The following HTR7 variants were observed in gnomAD, a reference collection of about 807,000 sequenced individuals.
HTR7 encodes the protein 5-HT-7.
In HTR7, 16 loss-of-function variants were observed where a neutral mutation model predicts 34.0. The ratio of observed to expected loss-of-function variants is 0.47; its 90% CI spans 0.32 to 0.71. The LOEUF (loss-of-function observed/expected upper bound fraction) is 0.71, where lower values mean the gene tolerates loss of function less well. Ranked by LOEUF, HTR7 falls within the 30% of genes least tolerant of loss-of-function variation. The pLI is 0.04. For synonymous variants in HTR7, 265 were observed against 260.2 expected, an observed-to-expected ratio of 1.02 and a Z score of -0.18; for missense variants, 504 against 625.5, an observed-to-expected ratio of 0.81 and a Z score of 2.07.
At chr10:90,762,091 T>C (rs567446499) in intron 1 of HTR7, among the ~76,000 whole-genome samples, 95 of 152,342 alleles carry the variant, frequency 6.2e-4, no homozygotes, top group Non-Finnish European at 1.2e-4. Flanking sequence ...GCTATTAACA[T>C]GGGAGTGCAG....
intron 1 of HTR7, among the ~76,000 whole-genome samples, chr10:90,810,724 C>T (rs1222301420): frequency 3.9e-5 from 6 of 152,186 alleles, no homozygotes; most frequent in African/African-American, 7.2e-5. Flanking sequence ...AGCCTCTCTT[C>T]GCTTTCACTT....
chr10:90,853,286 TC>T (rs371555538), intron 1 of HTR7, among the ~76,000 whole-genome samples: 12,991 of 137,920 alleles, frequency 0.094, 808 homozygotes, highest in African/African-American at 0.19. Context: ...CTTTTTTTTT[TC>T]TTTTTTTTTT....
At chr10:90,806,933 C>T (rs955696370) in intron 1 of HTR7, among the ~76,000 whole-genome samples, 8 of 152,090 alleles carry the variant, frequency 5.3e-5, no homozygotes, top group Non-Finnish European at 1.0e-4. Flanking sequence ...ACCTCTGAGA[C>T]CTGTGATTAC....
intron 1 of HTR7, among the ~76,000 whole-genome samples, chr10:90,826,418 CT>C (rs1846074713): frequency 1.3e-5 from 2 of 152,176 alleles, no homozygotes; most frequent in Admixed American, 1.3e-4. Context: ...ATAAAACTCA[CT>C]GATAATAATA....
chr10:90,824,364 G>C (rs1269627558), intron 1 of HTR7, among the ~76,000 whole-genome samples: 1 of 152,248 alleles, frequency 6.6e-6, no homozygotes, highest in Non-Finnish European at 1.5e-5. Context: ...TGAATAATCA[G>C]CAGTGGTATC....
At chr10:90,834,276 G>A (rs1280996371) in intron 1 of HTR7, among the ~76,000 whole-genome samples, 1 of 152,072 alleles carries the variant, frequency 6.6e-6, no homozygotes, top group Non-Finnish European at 1.5e-5. Context: ...TACCCTTGGA[G>A]TATCCAAAGT....
chr10:90,855,144 G>A lies in HTR7; in HGVS notation c.539+1989C>T, dbSNP rs79881569. 4.6e-3 allele frequency among the ~76,000 whole-genome samples: 693 copies of A among 152,146 alleles called. 4 individuals carry two copies. Among genetic ancestry groups the A allele is most frequent in the African/African-American group, 0.014 (598 of 41,500 alleles). The stretch of plus-strand genomic sequence containing the variant: ...ATTTTTAAGCAGAATTCACCAATGG[G>A]GCAATTCTCATAGGTAAAAGGAGAA... On this transcript the variant is annotated intron_variant, in intron 1 of 3. Transcript: ENST00000336152.
intron 1 of HTR7, among the ~76,000 whole-genome samples, chr10:90,808,701 C>T (rs1172515102): frequency 2.0e-5 from 3 of 152,082 alleles, no homozygotes; most frequent in Non-Finnish European, 2.9e-5. Context: ...TCACTATGGG[C>T]AACCTTCCAC....
rs566203445 is a variant in HTR7, at chr10:90,817,044, G to A, written c.539+40089C>T. Among the ~76,000 whole-genome samples, 30 of 152,292 alleles carry A rather than the reference G, an allele frequency of 2.0e-4. 1 individual carries two copies. The South Asian group carries it at 5.0e-3, about 25-fold the overall frequency. On this transcript the variant is annotated intron_variant, in intron 1 of 3. Coordinates refer to ENST00000336152, the MANE Select transcript of HTR7 (RefSeq NM_019859.4). ...CAAGGGCCCCACCAAGGGACAGGAC[G>A]GACCTGAAGCAGATAGCCATACCAC...
intron 1 of HTR7, among the ~76,000 whole-genome samples, chr10:90,760,158 A>G (rs1844911677): frequency 6.6e-6 from 1 of 152,230 alleles, no homozygotes; most frequent in Admixed American, 6.5e-5. Context: ...GTGTATATAC[A>G]CAATTAAATA....
intron 1 of HTR7, among the ~76,000 whole-genome samples, chr10:90,750,877 T>C (rs182039401): frequency 2.0e-4 from 31 of 152,314 alleles, no homozygotes; most frequent in Admixed American, 2.0e-3. Flanking sequence ...TCTAGAATTC[T>C]TTCCTTCAAT....
chr10:90,780,008 T>C (rs987985503), intron 1 of HTR7, among the ~76,000 whole-genome samples: 2 of 152,176 alleles, frequency 1.3e-5, no homozygotes, highest in Non-Finnish European at 2.9e-5. Context: ...GTCCATATCA[T>C]TGCACTGGTC....
At chr10:90,746,256 T>C (rs1223032136) in intron 2 of HTR7, among the ~76,000 whole-genome samples, 1 of 152,222 alleles carries the variant, frequency 6.6e-6, no homozygotes, top group East Asian at 1.9e-4. Flanking sequence ...AGCAAACGCA[T>C]GTTATTATTT....
At chr10:90,744,183 G>A (rs575402976) in intron 2 of HTR7, among the ~76,000 whole-genome samples, 1 of 151,124 alleles carries the variant, frequency 6.6e-6, no homozygotes, top group South Asian at 2.1e-4. Context: ...CAAGATGAGT[G>A]AGAGCTAGAG....
chr10:90,857,980 C>A lies in HTR7; in HGVS notation c.-309G>T, dbSNP rs1201968666. 6.6e-6 allele frequency among the ~76,000 whole-genome samples: 1 copy of A among 150,980 alleles called. No individual in the cohort carries two copies. The highest frequency in any genetic ancestry group is 1.5e-5 in the Non-Finnish European group (1 of 67,648). On this transcript the variant is annotated 5_prime_UTR_variant, in exon 1 of 4. Transcript: ENST00000336152. This position sits in a 1 kb window ranked among gnomAD's most constrained non-coding sequence, Gnocchi z 6.5. The stretch of plus-strand genomic sequence containing the variant: ...GCTCCGCTGGCAGCTCCACAGTTCG[C>A]AGCAGCAGCTCGGCTGCGCCGAGAG...
intron 1 of HTR7, among the ~76,000 whole-genome samples, chr10:90,827,679 A>G (rs1305634207): frequency 6.6e-6 from 1 of 152,244 alleles, no homozygotes; most frequent in Non-Finnish European, 1.5e-5. Context: ...GCAAGAGGAT[A>G]TAACAATTGT....
Position 90,769,824 on chromosome 10 carries a change from A to G in HTR7, c.540-20230T>C, listed in dbSNP as rs145284095. On this transcript the variant is annotated intron_variant, in intron 1 of 3. Coordinates refer to ENST00000336152, the MANE Select transcript of HTR7 (RefSeq NM_019859.4). Reference sequence around the variant, plus strand: ...AATAACAAACATTATTGACAAAAATAAAACTATTATTATTTAAATTACTGA... The same window carrying G: ...AATAACAAACATTATTGACAAAAATGAAACTATTATTATTTAAATTACTGA... Among the ~76,000 whole-genome samples the G allele has an allele frequency of 3.0e-3, 455 of 152,390 alleles. 4 individuals carry two copies. Among genetic ancestry groups the G allele is most frequent in the African/African-American group, 0.01 (435 of 41,602 alleles).
intron 1 of HTR7, among the ~76,000 whole-genome samples, chr10:90,778,228 A>G (rs1845249555): frequency 6.6e-6 from 1 of 152,174 alleles, no homozygotes. Context: ...GGCAGTATTG[A>G]AAGGTCCGGC....
chr10:90,775,506 C>T (rs1845192248), intron 1 of HTR7, among the ~76,000 whole-genome samples: 1 of 152,150 alleles, frequency 6.6e-6, no homozygotes, highest in African/African-American at 2.4e-5. Context: ...CCAGTGTGGC[C>T]AGCATCACAC....
Sources: allele counts gnomAD v4.1 joint callset (sites outside exome capture counted in the v4.1 genomes callset), GRCh38; gene constraint gnomAD v4.1.1; non-coding constraint Gnocchi (gnomAD v3.1); transcripts MANE v1.5; gene names NCBI Gene and HGNC (gene_info 2026-07-23, HGNC 2026-07-21).